The following PPM1B variants were observed in gnomAD, a reference collection of about 807,000 sequenced individuals.
The protein encoded by PPM1B is protein phosphatase 1B.
A neutral mutation model predicts 43.0 loss-of-function variants in PPM1B; 22 were observed. That is an observed-to-expected ratio of 0.51 (90% CI 0.37 to 0.73). The LOEUF is 0.73. Among genes scored for constraint, PPM1B ranks in the 30% least tolerant of loss-of-function variants. The pLI, the probability that PPM1B is intolerant of heterozygous loss-of-function variation, is 0.00. For missense variants in PPM1B, 632 were observed against 584.2 expected, an observed-to-expected ratio of 1.08 and a Z score of -0.84; for synonymous variants, 217 against 197.9, an observed-to-expected ratio of 1.10 and a Z score of -0.81.
At chr2:44,188,002 G>A (rs539949695) in intron 1 of PPM1B, among the ~76,000 whole-genome samples, 6 of 152,156 alleles carry the variant, frequency 3.9e-5, no homozygotes, top group African/African-American at 4.8e-5. Context: ...TGCCCACCTC[G>A]GCCTCCCAAG....
intron 1 of PPM1B, among the ~76,000 whole-genome samples, chr2:44,199,894 A>G (rs1668852177): frequency 6.6e-6 from 1 of 152,142 alleles, no homozygotes; most frequent in South Asian, 2.1e-4. Flanking sequence ...GATTTTTTTA[A>G]ATGGCGATAT....
At chr2:44,205,713 A>G (rs539312096) in intron 2 of PPM1B, among the ~76,000 whole-genome samples, 1 of 152,282 alleles carries the variant, frequency 6.6e-6, no homozygotes, top group Admixed American at 6.5e-5. Flanking sequence ...GTATTCTTTT[A>G]AATTGTTCTT....
downstream of PPM1B, among the ~76,000 whole-genome samples, chr2:44,238,640 T>G (rs533672310): frequency 2.7e-3 from 410 of 151,982 alleles, 1 homozygote; most frequent in African/African-American, 9.2e-3. Context: ...AGGCGGAGGT[T>G]GCAGTGAGCC....
downstream of PPM1B, among the ~76,000 whole-genome samples, chr2:44,238,724 T>C (rs1190671630): frequency 6.6e-6 from 1 of 151,016 alleles, no homozygotes; most frequent in Non-Finnish European, 1.5e-5. Flanking sequence ...AAAAAAAACA[T>C]TTTAGGGGGA....
At chr2:44,241,812 A>G (rs1391182529) in intron 5 of PPM1B, among the ~76,000 whole-genome samples, 2 of 151,246 alleles carry the variant, frequency 1.3e-5, no homozygotes, top group African/African-American at 4.9e-5. Flanking sequence ...AGATTAAAAA[A>G]AGATCTGTCC....
chr2:44,189,547 T>A (rs2104063963), intron 1 of PPM1B, among the ~76,000 whole-genome samples: 1 of 152,254 alleles, frequency 6.6e-6, no homozygotes, highest in East Asian at 1.9e-4. Flanking sequence ...CACTGCAACC[T>A]CTGCCTGCCA....
chr2:44,238,396 A>G (rs906719876), downstream of PPM1B, among the ~76,000 whole-genome samples: 2 of 152,152 alleles, frequency 1.3e-5, no homozygotes, highest in African/African-American at 2.4e-5. Flanking sequence ...CTACTGAAGT[A>G]TACTCTTGAA....
intron 1 of PPM1B, among the ~76,000 whole-genome samples, chr2:44,181,325 G>T (rs1292181712): frequency 6.6e-6 from 1 of 152,170 alleles, no homozygotes; most frequent in Non-Finnish European, 1.5e-5. Flanking sequence ...TGTGAGGTGG[G>T]AATGACCATG....
intron 1 of PPM1B, among the ~76,000 whole-genome samples, chr2:44,185,429 AT>A (rs1214726301): frequency 3.3e-5 from 5 of 152,184 alleles, no homozygotes; most frequent in Non-Finnish European, 2.9e-5. Context: ...AGTGTGATAG[AT>A]TTTTTTTCTC....
At position 44,201,310 on chromosome 2, in the gene PPM1B, A is replaced by C; in HGVS notation, c.111A>C (p.Glu37Asp). Residue 37 changes from glutamate to aspartate, a missense_variant, in exon 2 of 6, where the codon GAA (glutamate) becomes GAC (aspartate). By Grantham distance (45) the Glu-to-Asp change is conservative. Around this residue, in one of 3 missense-constraint regions of PPM1B, gnomAD observed 200 missense variants for 200.7 expected, o/e 1.00. Transcript: ENST00000282412. This position sits in a 1 kb window ranked among gnomAD's most constrained non-coding sequence, Gnocchi z 5.4. ...SSMQGWRVEM[E>D]DAHTAVVGIP... ...TGCAAGGATGGAGAGTGGAAATGGA[A>C]GATGCACACACAGCTGTTGTAGGTA... 6.2e-7 allele frequency: 1 copy of C among 1,614,200 alleles called. No homozygotes were observed.
intron 1 of PPM1B, among the ~76,000 whole-genome samples, chr2:44,175,724 C>T (rs1423644234): frequency 6.6e-6 from 1 of 151,286 alleles, no homozygotes; most frequent in African/African-American, 2.4e-5. Flanking sequence ...TGGATAAAAA[C>T]TAGACTGAAA....
chr2:44,174,863 A>C (rs928457443), intron 1 of PPM1B, among the ~76,000 whole-genome samples: 10 of 152,200 alleles, frequency 6.6e-5, no homozygotes, highest in African/African-American at 2.4e-4. Flanking sequence ...CTATTTGGGC[A>C]GTGTTTTTCC....
chr2:44,238,784 T>TAATTTTA (rs941303397), downstream of PPM1B, among the ~76,000 whole-genome samples: 3 of 152,078 alleles, frequency 2.0e-5, no homozygotes, highest in Non-Finnish European at 2.9e-5. Context: ...GGACTGTAAC[T>TAATTTTA]AATTTTAAAA....
At chr2:44,180,123 T>C (rs1339392863) in intron 1 of PPM1B, among the ~76,000 whole-genome samples, 1 of 151,728 alleles carries the variant, frequency 6.6e-6, no homozygotes, top group Non-Finnish European at 1.5e-5. Flanking sequence ...ATGGCAATAA[T>C]AGGGGTAGGA....
At position 44,227,912 on chromosome 2, in the gene PPM1B, T is replaced by C. The variant is rs1057327280; in HGVS notation, c.1135-2501T>C. ...CAGGAAAACAAGCACTTTTTTTTTC[T>C]TTTTCTTTTCTTTTTTTTTTTTTTT... On this transcript the variant is annotated intron_variant, in intron 5 of 5. Coordinates refer to ENST00000282412, the MANE Select transcript of PPM1B (RefSeq NM_002706.6). Among the ~76,000 whole-genome samples, 21 of 137,066 alleles carry C rather than the reference T, an allele frequency of 1.5e-4. No homozygotes were observed. The East Asian group carries it at 4.4e-3, about 29-fold the overall frequency. 89.9% of individuals were successfully genotyped at this position (137,066 alleles called of 152,430 possible). A position where few individuals can be genotyped will look rare whatever the true frequency, so the allele number is the denominator to read the frequency against.
intron 1 of PPM1B, among the ~76,000 whole-genome samples, chr2:44,185,057 G>A (rs1307403545): frequency 6.6e-6 from 1 of 150,568 alleles, no homozygotes; most frequent in African/African-American, 2.4e-5. Context: ...AATATTATTG[G>A]GTTTTATAGT....
At chr2:44,236,965 A>G (rs2104289864), downstream of PPM1B, among the ~76,000 whole-genome samples, 1 of 152,366 alleles carries the variant, frequency 6.6e-6, no homozygotes, top group East Asian at 1.9e-4. Context: ...TGTTTTTCAC[A>G]TATTAGACAA....
chr2:44,174,273 T>C (rs1372816674), intron 1 of PPM1B, among the ~76,000 whole-genome samples: 1 of 152,204 alleles, frequency 6.6e-6, no homozygotes, highest in Non-Finnish European at 1.5e-5. Flanking sequence ...TTGTTTTGCA[T>C]CCTTGTGAAC....
intron 1 of PPM1B, among the ~76,000 whole-genome samples, chr2:44,189,995 TATC>T (rs566708721): frequency 2.2e-3 from 337 of 152,298 alleles, no homozygotes; most frequent in African/African-American, 7.8e-3. Flanking sequence ...GAAACACTTT[TATC>T]ATGTGGATTA....
Sources: gnomAD v4.1 joint callset for allele counts (sites outside exome capture counted in the v4.1 genomes callset) on GRCh38, gnomAD v4.1.1 for gene constraint, gnomAD v4.1.1 regional missense constraint, Gnocchi (gnomAD v3.1) non-coding constraint, MANE v1.5 for transcripts, NCBI Gene and HGNC (gene_info 2026-07-23, HGNC 2026-07-21) for gene names.